The following OPHN1 variants were observed in gnomAD, a reference collection of about 807,000 sequenced individuals.
OPHN1 encodes oligophrenin-1.
OPHN1 carries 11 observed loss-of-function variants against 60.7 expected under a neutral mutation model. That is an observed-to-expected ratio of 0.18 (90% CI 0.11 to 0.30). OPHN1 has a LOEUF of 0.30. Among genes scored for constraint, OPHN1 ranks in the 10% least tolerant of loss-of-function variants. The pLI is 1.00. For missense variants in OPHN1, 449 were observed against 611.0 expected, an observed-to-expected ratio of 0.73 and a Z score of 2.80; for synonymous variants, 226 against 222.6, an observed-to-expected ratio of 1.02 and a Z score of -0.14.
rs780301850 is a variant in OPHN1 at position 68,258,252 on chromosome X, A to C, written c.384+16486T>G. On this transcript the variant is annotated intron_variant, in intron 5 of 24. Coordinates refer to ENST00000355520, the MANE Select transcript of OPHN1 (RefSeq NM_002547.3). Reference sequence around the variant, plus strand: ...AAATGTGGCCATTATTCTTTTATTTATTTATTTTTTTATTTATTTAAGTTT... The same window carrying C: ...AAATGTGGCCATTATTCTTTTATTTCTTTATTTTTTTATTTATTTAAGTTT... Among the ~76,000 whole-genome samples, 14 of 110,037 alleles carry C rather than the reference A, an allele frequency of 1.3e-4. No homozygotes were observed. In the South Asian group the frequency reaches 5.5e-3, roughly 43 times the overall value.
rs2077375476 is a variant in OPHN1, at chrX:68,169,104, GC to G, written c.1276+23814del. On this transcript the variant is annotated intron_variant, in intron 15 of 24. Coordinates refer to ENST00000355520, the MANE Select transcript of OPHN1 (RefSeq NM_002547.3). ...GGAGGAACTGGTACCATTCCTTCTT[GC>G]AAAAATCACAAGCATTCTTATACAC... is the stretch of plus-strand genomic sequence containing the variant. Among the ~76,000 whole-genome samples, 4 of 111,077 alleles carry G rather than the reference GC, an allele frequency of 3.6e-5. No individual in the cohort carries two copies. The South Asian group carries it at 1.5e-3, about 43-fold the overall frequency.
At chrX:68,233,831 A>G (rs1179197173) in intron 6 of OPHN1, among the ~76,000 whole-genome samples, 2 of 111,577 alleles carry the variant, frequency 1.8e-5, no homozygotes, top group African/African-American at 6.5e-5. Flanking sequence ...TCCCACTCCC[A>G]ACAAAAGCAC....
intron 15 of OPHN1, among the ~76,000 whole-genome samples, chrX:68,189,004 A>G (rs775629046): frequency 5.2e-4 from 59 of 112,638 alleles, no homozygotes; most frequent in African/African-American, 1.9e-3. Context: ...AATGAAAATA[A>G]CATAAATAAC....
intron 21 of OPHN1, among the ~76,000 whole-genome samples, chrX:68,062,843 C>G (rs1263251286): frequency 8.9e-6 from 1 of 111,929 alleles, no homozygotes; most frequent in Non-Finnish European, 1.9e-5. Context: ...TAAAACTCCC[C>G]TCTGGATTAG....
At chrX:68,368,813 T>A (rs771736022) in intron 2 of OPHN1, among the ~76,000 whole-genome samples, 2 of 111,907 alleles carry the variant, frequency 1.8e-5, no homozygotes, top group Non-Finnish European at 3.8e-5. Flanking sequence ...TGAACACAAT[T>A]TAAGGAACAG....
intron 2 of OPHN1, among the ~76,000 whole-genome samples, chrX:68,312,486 A>C (rs1441684900): frequency 9.1e-6 from 1 of 110,317 alleles, no homozygotes; most frequent in Non-Finnish European, 1.9e-5. Flanking sequence ...CCAAAAACAC[A>C]ACATAATTTT....
At chrX:68,334,797 G>A (rs2078313717) in intron 2 of OPHN1, among the ~76,000 whole-genome samples, 1 of 109,748 alleles carries the variant, frequency 9.1e-6, no homozygotes, top group Non-Finnish European at 1.9e-5. Context: ...GCAACATGGT[G>A]AAACCCCATC....
At chrX:68,053,580 C>A (rs2076860433) in intron 22 of OPHN1, 65 bp downstream of exon 22, 1 of 1,103,399 alleles carries the variant, frequency 9.1e-7, no homozygotes, top group Non-Finnish European at 1.2e-6. Context: ...ATATGGTGAT[C>A]CTGAAAGCAT....
intron 2 of OPHN1, among the ~76,000 whole-genome samples, chrX:68,400,661 G>T: frequency 9.4e-6 from 1 of 105,908 alleles, no homozygotes; most frequent in Middle Eastern, 4.9e-3. Flanking sequence ...GAGTGCTGTG[G>T]CATGATCTCG....
intron 15 of OPHN1, among the ~76,000 whole-genome samples, chrX:68,123,834 A>G (rs1009359739): frequency 1.2e-4 from 13 of 111,590 alleles, no homozygotes; most frequent in Non-Finnish European, 5.6e-5. Flanking sequence ...AGACAAGACC[A>G]CAAAACAATC....
At chrX:68,114,382 G>A (rs1336444168) in intron 16 of OPHN1, among the ~76,000 whole-genome samples, 1 of 110,959 alleles carries the variant, frequency 9.0e-6, no homozygotes, top group Non-Finnish European at 1.9e-5. Context: ...CAGGAAGTCT[G>A]TCTCCTGAGT....
chrX:68,304,620 A>G (rs989302896), intron 2 of OPHN1, among the ~76,000 whole-genome samples: 1 of 111,702 alleles, frequency 9.0e-6, no homozygotes, highest in Non-Finnish European at 1.9e-5. Flanking sequence ...TTAAATTAAC[A>G]AAGGGCTTAG....
chrX:68,343,570 GA>G (rs770991507), intron 2 of OPHN1, among the ~76,000 whole-genome samples: 180 of 110,150 alleles, frequency 1.6e-3, no homozygotes, highest in Non-Finnish European at 1.1e-3. Context: ...GGAAATAATA[GA>G]AACCAATGAC....
At chrX:68,077,674 T>C (rs1412375373) in intron 19 of OPHN1, among the ~76,000 whole-genome samples, 2 of 112,351 alleles carry the variant, frequency 1.8e-5, no homozygotes, top group African/African-American at 6.5e-5. Context: ...CACATTAAAT[T>C]GTTAACAATC....
At chrX:68,408,234 A>T (rs1177760046) in intron 2 of OPHN1, among the ~76,000 whole-genome samples, 1 of 112,585 alleles carries the variant, frequency 8.9e-6, no homozygotes, top group Admixed American at 9.4e-5. Context: ...TAAAATAGAC[A>T]CAAAGCACAA....
intron 23 of OPHN1, among the ~76,000 whole-genome samples, chrX:68,050,851 CTTCTT>C (rs1347175454): frequency 8.9e-6 from 1 of 112,588 alleles, no homozygotes; most frequent in Non-Finnish European, 1.9e-5. Flanking sequence ...CGTCTCCCTT[CTTCTT>C]TTCTTTTTCT....
intron 2 of OPHN1, among the ~76,000 whole-genome samples, chrX:68,416,051 TATATATATATATATATAGAGAGAG>T (rs1176850396): frequency 4.1e-5 from 1 of 24,409 alleles, no homozygotes; most frequent in African/African-American, 1.2e-4. Flanking sequence ...TATATATATA[TATATATATATATATATAGAGAGAG>T]AGAGAGAGAG....
intron 2 of OPHN1, among the ~76,000 whole-genome samples, chrX:68,390,935 T>C (rs1037381880): frequency 8.9e-6 from 1 of 112,013 alleles, no homozygotes; most frequent in Non-Finnish European, 1.9e-5. Flanking sequence ...AAGGTGTTGG[T>C]AGGGCTGCAT....
intron 23 of OPHN1, 30 bp downstream of exon 23, chrX:68,052,510 G>A (rs376780411): frequency 2.3e-4 from 267 of 1,181,696 alleles, no homozygotes; most frequent in Non-Finnish European, 3.0e-4. Context: ...AAGGCGATTT[G>A]GTTTTTCTTT....
Sources: allele counts gnomAD v4.1 joint callset (sites outside exome capture counted in the v4.1 genomes callset), GRCh38; gene constraint gnomAD v4.1.1; transcripts MANE v1.5; gene names NCBI Gene and HGNC (gene_info 2026-07-23, HGNC 2026-07-21).